Variants in TMOD3 observed in about 807,000 individuals in gnomAD.
TMOD3 encodes tropomodulin 3, also known as tropomodulin-3.
A neutral mutation model predicts 39.2 loss-of-function variants in TMOD3; 20 were observed. That is an observed-to-expected ratio of 0.51 (90% CI 0.36 to 0.74). The LOEUF is 0.74. Ranked by LOEUF, TMOD3 falls within the 30% of genes least tolerant of loss-of-function variation. The probability of loss-of-function intolerance (pLI) is 0.00; values close to 1 mark genes in which losing one functional copy is unlikely to be tolerated. For synonymous variants in TMOD3, 143 were observed against 145.8 expected, an observed-to-expected ratio of 0.98 and a Z score of 0.14; for missense variants, 381 against 412.8, an observed-to-expected ratio of 0.92 and a Z score of 0.67.
chr15:51,831,258 A>G (rs887570498), intron 1 of TMOD3, among the ~76,000 whole-genome samples: 1 of 152,236 alleles, frequency 6.6e-6, no homozygotes, highest in African/African-American at 2.4e-5. Context: ...GGTATATCCA[A>G]TATGCCAACC....
At chr15:51,850,126 A>C (rs1345533368) in intron 1 of TMOD3, among the ~76,000 whole-genome samples, 2 of 152,196 alleles carry the variant, frequency 1.3e-5, no homozygotes, top group Non-Finnish European at 2.9e-5. Context: ...AAGTGGAGCC[A>C]AGAAGTAGGG....
chr15:51,830,697 G>A (rs2056250543), intron 1 of TMOD3, among the ~76,000 whole-genome samples: 1 of 152,128 alleles, frequency 6.6e-6, no homozygotes, highest in South Asian at 2.1e-4. Context: ...CCCTTGGTTT[G>A]TAACATTTTC....
chr15:51,831,706 C>T (rs1217924680), intron 1 of TMOD3, among the ~76,000 whole-genome samples: 1 of 151,994 alleles, frequency 6.6e-6, no homozygotes, highest in African/African-American at 2.4e-5. Flanking sequence ...CTCCTTCTTT[C>T]CTTTTCCTTT....
intron 6 of TMOD3, 92 bp downstream of exon 6, chr15:51,894,037 T>C: frequency 4.1e-6 from 5 of 1,209,976 alleles, no homozygotes; most frequent in South Asian, 2.6e-5. Context: ...TCTAATTCTT[T>C]CTACTTTAAC....
intron 1 of TMOD3, among the ~76,000 whole-genome samples, chr15:51,843,416 A>G (rs76920931): frequency 0.015 from 2,359 of 152,260 alleles, 69 homozygotes; most frequent in East Asian, 0.075. Flanking sequence ...CACCCGAGAA[A>G]CTGTCAAACT....
At position 51,859,303 on chromosome 15, in the gene TMOD3, G is replaced by A. The variant is rs1180872737; in HGVS notation, c.-74-3508G>A. 2.5e-5 allele frequency: 18 copies of A among 730,698 alleles called. 1 individual carries two copies. Among genetic ancestry groups the A allele is most frequent in the Middle Eastern group, 2.4e-4 (1 of 4,168 alleles). The allele number at this position is 730,698 out of a possible 1,614,324, so 45.3% of individuals were successfully genotyped here. On this transcript the variant is annotated intron_variant, in intron 1 of 9. Coordinates refer to ENST00000308580, the MANE Select transcript of TMOD3 (RefSeq NM_014547.5). ...CTGCAGTTTTCAGGTCTACCAAGGGGGTGGTTCAATGGTTCCTTGATACAA... is the reference window on the plus strand; with the variant it reads ...CTGCAGTTTTCAGGTCTACCAAGGGAGTGGTTCAATGGTTCCTTGATACAA...
At chr15:51,881,962 T>G (rs2056537106) in intron 3 of TMOD3, among the ~76,000 whole-genome samples, 1 of 151,364 alleles carries the variant, frequency 6.6e-6, no homozygotes, top group South Asian at 2.1e-4. Context: ...TGGCGCAATC[T>G]CAGCTCACTG....
intron 3 of TMOD3, among the ~76,000 whole-genome samples, chr15:51,885,906 C>CGGGCGG (rs1206007706): frequency 3.3e-5 from 5 of 149,314 alleles, no homozygotes; most frequent in African/African-American, 1.0e-4. Flanking sequence ...GGGTGGCTGC[C>CGGGCGG]GGGCGGGGGC....
chr15:51,885,284 C>CTTTTTTTTT (rs67378569), intron 3 of TMOD3, among the ~76,000 whole-genome samples: 8 of 126,968 alleles, frequency 6.3e-5, no homozygotes, highest in Non-Finnish European at 1.2e-4. Flanking sequence ...TTTCTTTTTT[C>CTTTTTTTTT]TTTTTTTTTT....
intron 1 of TMOD3, among the ~76,000 whole-genome samples, chr15:51,847,056 G>A (rs962379727): frequency 1.3e-5 from 2 of 152,118 alleles, no homozygotes; most frequent in African/African-American, 4.8e-5. Flanking sequence ...GACAGAACTG[G>A]GAGCTGGTTT....
chr15:51,846,907 G>A (rs542243280), intron 1 of TMOD3, among the ~76,000 whole-genome samples: 1 of 152,238 alleles, frequency 6.6e-6, no homozygotes, highest in African/African-American at 2.4e-5. Context: ...AAAAACATTT[G>A]GTGCTGAGAA....
intron 1 of TMOD3, among the ~76,000 whole-genome samples, chr15:51,830,362 C>G (rs960465180): frequency 6.6e-6 from 1 of 152,206 alleles, no homozygotes; most frequent in Non-Finnish European, 1.5e-5. Context: ...GTTCCTAGCT[C>G]CCAGGCAGCA....
chr15:51,899,278 G>A (rs960759169), intron 7 of TMOD3: 8 of 152,380 alleles, frequency 5.3e-5, no homozygotes, highest in Admixed American at 4.6e-4. Flanking sequence ...ACAGAAGAAA[G>A]AAGCATGAAG....
In TMOD3 at chr15:51,913,770, T is replaced by G. The variant is rs944752416; in HGVS notation, c.*4960T>G. ...GCTTATGCCTGTAATCCTAGCACTTTGGAAAGCCGAGGCCGACGGATCACT... is the reference window on the plus strand; with the variant it reads ...GCTTATGCCTGTAATCCTAGCACTTGGGAAAGCCGAGGCCGACGGATCACT... On this transcript the variant is annotated 3_prime_UTR_variant, in exon 10 of 10. Transcript: ENST00000308580. 6.6e-6 allele frequency: 1 copy of G among 152,140 alleles called. No homozygotes were observed. The highest frequency in any genetic ancestry group is 1.5e-5 in the Non-Finnish European group (1 of 68,042). The allele number at this position is 152,140 out of a possible 1,614,324, so 9.4% of individuals were successfully genotyped here. A position where few individuals can be genotyped will look rare whatever the true frequency, so the allele number is the denominator to read the frequency against.
In TMOD3 at chr15:51,912,091, TTGTTTA is replaced by T. The variant is rs1595917405; in HGVS notation, c.*3282_*3287del. The T allele has an allele frequency of 6.6e-6, 1 of 152,328 alleles. No homozygotes were observed. The highest frequency in any genetic ancestry group is 1.9e-4 in the East Asian group (1 of 5,188). The allele number at this position is 152,328 out of a possible 1,614,324, so 9.4% of individuals were successfully genotyped here. ...AGTTGACCGAGTATCTGTTGTGTTTTTGTTTAAAAAGAGGATTCCATGACATAATAA... is the reference window on the plus strand; with the variant it reads ...AGTTGACCGAGTATCTGTTGTGTTTTAAAAGAGGATTCCATGACATAATAA... On this transcript the variant is annotated 3_prime_UTR_variant, in exon 10 of 10. Transcript: ENST00000308580.
chr15:51,890,526 G>A (rs1262246050), intron 5 of TMOD3, among the ~76,000 whole-genome samples: 2 of 151,958 alleles, frequency 1.3e-5, no homozygotes, highest in Non-Finnish European at 2.9e-5. Context: ...ACAGCTCTTG[G>A]ACGTGAAGTA....
rs2056620558 is a variant in TMOD3, at chr15:51,896,354, A to C, written c.628-65A>C. 2.6e-6 allele frequency: 3 copies of C among 1,171,936 alleles called. No individual in the cohort carries two copies. The Admixed American group carries it at 6.3e-5, about 25-fold the overall frequency. 72.6% of individuals were successfully genotyped at this position (1,171,936 alleles called of 1,614,324 possible). ...TAAAGCAAAAAAAACCATATATTTG[A>C]TTAATGGAAACTAAATATAATGAAA... On this transcript the variant is annotated intron_variant, in intron 6 of 9. Transcript: ENST00000308580.
chr15:51,879,572 AT>A (rs34003434), intron 3 of TMOD3, among the ~76,000 whole-genome samples: 71,775 of 151,126 alleles, frequency 0.47, 17,277 homozygotes, highest in Admixed American at 0.54. Context: ...ATAAATCTGG[AT>A]TTTTTTATTT....
intron 1 of TMOD3, among the ~76,000 whole-genome samples, chr15:51,850,139 G>A (rs953675588): frequency 1.3e-5 from 2 of 152,274 alleles, no homozygotes; most frequent in Non-Finnish European, 2.9e-5. Context: ...AAGTAGGGTA[G>A]TGTCTGGAGA....
Sources: gnomAD v4.1 joint callset for allele counts (sites outside exome capture counted in the v4.1 genomes callset) on GRCh38, gnomAD v4.1.1 for gene constraint, MANE v1.5 for transcripts, NCBI Gene and HGNC (gene_info 2026-07-23, HGNC 2026-07-21) for gene names.